CNBD1: variants seen among roughly 807,000 people sequenced by gnomAD.
CNBD1 encodes the protein cyclic nucleotide binding domain containing 1.
Under a neutral mutation model 54.4 loss-of-function variants are expected in CNBD1, and 71 were observed. That is an observed-to-expected ratio of 1.30 (90% confidence interval 1.08 to 1.59). The LOEUF (loss-of-function observed/expected upper bound fraction) is 1.59. CNBD1 is among the 40% of genes most tolerant of loss of function. CNBD1 has a pLI of 0.00. For synonymous variants in CNBD1, 182 were observed against 170.7 expected (o/e 1.07, Z -0.51); for missense variants, 659 against 518.0 (o/e 1.27, Z -2.64).
chr8:87,398,339 C>T (rs1166213344), intron 2 of CNBD1, among the ~76,000 whole-genome samples: 2 of 151,642 alleles, frequency 1.3e-5, no homozygotes, highest in Non-Finnish European at 2.9e-5. Context: ...AAATACAGGG[C>T]CCTCTTTTTC....
At chr8:87,113,021 T>C (rs891929780) in intron 4 of CNBD1, among the ~76,000 whole-genome samples, 1 of 152,122 alleles carries the variant, frequency 6.6e-6, no homozygotes, top group African/African-American at 2.4e-5. Context: ...CCTGATCCCA[T>C]AGGGAGCTCT....
intron 1 of CNBD1, among the ~76,000 whole-genome samples, chr8:86,868,624 G>A (rs546982516): frequency 2.0e-5 from 3 of 152,152 alleles, no homozygotes; most frequent in South Asian, 2.1e-4. Flanking sequence ...GAGCTACCAC[G>A]CCCCGGCTGT....
At chr8:87,270,788 C>G (rs1214422849) in intron 6 of CNBD1, among the ~76,000 whole-genome samples, 1 of 151,552 alleles carries the variant, frequency 6.6e-6, no homozygotes, top group Non-Finnish European at 1.5e-5. Context: ...TAAGTATTCC[C>G]TTTTCTTTTT....
intron 5 of CNBD1, among the ~76,000 whole-genome samples, chr8:87,213,428 C>T (rs1213694818): frequency 1.3e-5 from 2 of 152,044 alleles, no homozygotes; most frequent in Non-Finnish European, 2.9e-5. Context: ...TTGGGGAAGC[C>T]TCAAAATCAT....
chr8:87,346,196 C>G (rs1156431678), intron 8 of CNBD1, among the ~76,000 whole-genome samples: 1 of 151,990 alleles, frequency 6.6e-6, no homozygotes, highest in Non-Finnish European at 1.5e-5. Context: ...CATGCGCCAC[C>G]ACGCTCAGCT....
In CNBD1 at chr8:87,428,545, G is replaced by T. The variant is rs996927441; in HGVS notation, c.214-1G>T. 4.5e-6 allele frequency: 2 copies of T among 449,130 alleles called. No individual in the cohort carries two copies. Among genetic ancestry groups the T allele is most frequent in the African/African-American group, 2.0e-5 (1 of 49,762 alleles). The allele number at this position is 449,130 out of a possible 1,614,324, so 27.8% of individuals were successfully genotyped here. A position where few individuals can be genotyped will look rare whatever the true frequency, so the allele number is the denominator to read the frequency against. On this transcript the variant is annotated splice_acceptor_variant, in intron 2 of 7. Coordinates refer to the CNBD1 transcript ENST00000521593. LOFTEE classifies it high-confidence loss of function. ...AAGTGTTTTCTTCTGTTTTCATCTA[G>T]AATTAGACCCAGTGACCAAGCAACT... is the stretch of plus-strand genomic sequence containing the variant.
At chr8:86,940,779 A>T (rs762399360) in intron 4 of CNBD1, among the ~76,000 whole-genome samples, 5 of 152,230 alleles carry the variant, frequency 3.3e-5, no homozygotes, top group Non-Finnish European at 5.9e-5. Flanking sequence ...TTCAGAAAAA[A>T]ATCAATAGCA....
chr8:87,311,481 T>C (rs925178275), intron 8 of CNBD1, among the ~76,000 whole-genome samples: 5 of 152,062 alleles, frequency 3.3e-5, no homozygotes, highest in Non-Finnish European at 7.4e-5. Context: ...GAAAAGGAAA[T>C]GCCTGTCCAC....
intron 8 of CNBD1, among the ~76,000 whole-genome samples, chr8:87,319,796 C>T (rs572472441): frequency 1.2e-4 from 18 of 151,926 alleles, no homozygotes; most frequent in Non-Finnish European, 1.9e-4. Flanking sequence ...TTCAAAAAAG[C>T]GTTTCTATAT....
rs139632469 is a variant in CNBD1, at chr8:86,997,535, G to C, written c.431+57781G>C. On this transcript the variant is annotated intron_variant, in intron 4 of 10. Coordinates refer to ENST00000518476, the MANE Select transcript of CNBD1 (RefSeq NM_173538.3). ...TGGTTCCTCATTTATCTGAGAAATA[G>C]TGTTCAGAGAAATATCACCTCTGAG... is the stretch of plus-strand genomic sequence containing the variant. 2.9e-3 allele frequency among the ~76,000 whole-genome samples: 440 copies of C among 152,246 alleles called. 3 individuals are homozygous for C. Among genetic ancestry groups the C allele is most frequent in the African/African-American group, 0.01 (424 of 41,556 alleles).
chr8:86,966,903 C>T (rs543513222), intron 4 of CNBD1, among the ~76,000 whole-genome samples: 39 of 152,264 alleles, frequency 2.6e-4, no homozygotes, highest in South Asian at 2.5e-3. Flanking sequence ...TTTGGCCCCA[C>T]GCACATCTTG....
intron 10 of CNBD1, among the ~76,000 whole-genome samples, chr8:87,376,270 T>C (rs556805269): frequency 6.6e-6 from 1 of 151,938 alleles, no homozygotes; most frequent in Middle Eastern, 3.4e-3. Context: ...TGGTGTCTGG[T>C]GAGGGTACAT....
chr8:86,937,302 C>T (rs1212496878), intron 3 of CNBD1, among the ~76,000 whole-genome samples: 1 of 152,134 alleles, frequency 6.6e-6, no homozygotes, highest in Non-Finnish European at 1.5e-5. Context: ...GGGTCCCTCC[C>T]ACAACACGTG....
intron 8 of CNBD1, among the ~76,000 whole-genome samples, chr8:87,335,608 A>G (rs1265743646): frequency 6.6e-6 from 1 of 152,122 alleles, no homozygotes; most frequent in Non-Finnish European, 1.5e-5. Context: ...CTTTGCACGT[A>G]AGAGGGGTCT....
intron 8 of CNBD1, among the ~76,000 whole-genome samples, chr8:87,316,903 A>G (rs1410411733): frequency 1.3e-5 from 2 of 151,804 alleles, no homozygotes; most frequent in African/African-American, 4.8e-5. Context: ...TATTCATTAT[A>G]TAATGGAATG....
intron 4 of CNBD1, among the ~76,000 whole-genome samples, chr8:87,186,221 G>T (rs1455352210): frequency 6.6e-6 from 1 of 151,706 alleles, no homozygotes; most frequent in Non-Finnish European, 1.5e-5. Flanking sequence ...ATTCTTACTT[G>T]GCGTATCTCA....
At chr8:87,175,028 A>T (rs550318229) in intron 4 of CNBD1, among the ~76,000 whole-genome samples, 1 of 152,322 alleles carries the variant, frequency 6.6e-6, no homozygotes, top group Admixed American at 6.5e-5. Context: ...GCCTGAAGCC[A>T]GCACAGTACT....
intron 4 of CNBD1, among the ~76,000 whole-genome samples, chr8:87,130,776 C>CA (rs1178214720): frequency 0.067 from 6,630 of 99,324 alleles, 445 homozygotes; most frequent in African/African-American, 0.2. Flanking sequence ...GATCCTGTCT[C>CA]AAAAAAAAAA....
At chr8:87,367,864 G>T (rs1810673424) in intron 10 of CNBD1, among the ~76,000 whole-genome samples, 1 of 152,050 alleles carries the variant, frequency 6.6e-6, no homozygotes, top group African/African-American at 2.4e-5. Context: ...GATTGTCTCA[G>T]CAAAAGGACA....
Sources: gnomAD v4.1 joint callset for allele counts (sites outside exome capture counted in the v4.1 genomes callset) on GRCh38, gnomAD v4.1.1 for gene constraint, MANE v1.5 for transcripts, NCBI Gene and HGNC (gene_info 2026-07-23, HGNC 2026-07-21) for gene names.